SORBS2: variants seen among roughly 807,000 people sequenced by gnomAD.
SORBS2 encodes sorbin and SH3 domain-containing protein 2.
A neutral mutation model predicts 97.7 loss-of-function variants in SORBS2; 46 were observed. The ratio of observed to expected loss-of-function variants is 0.47; its 90% confidence interval spans 0.37 to 0.60. The LOEUF is 0.60. Among genes scored for constraint, SORBS2 ranks in the 20% least tolerant of loss-of-function variants. The pLI is 0.00. For synonymous variants in SORBS2, 476 were observed against 473.4 expected, an observed-to-expected ratio of 1.01 and a Z score of -0.07; for missense variants, 1,316 against 1,282.3, an observed-to-expected ratio of 1.03 and a Z score of -0.40.
chr4:185,628,109 A>G (rs537218032), intron 5 of SORBS2, among the ~76,000 whole-genome samples: 2 of 152,208 alleles, frequency 1.3e-5, no homozygotes, highest in African/African-American at 4.8e-5. Context: ...GGTTGCTTCC[A>G]ACTTCTAGCA....
At chr4:185,779,178 G>T (rs968437935) in intron 1 of SORBS2, among the ~76,000 whole-genome samples, 1 of 94,046 alleles carries the variant, frequency 1.1e-5, no homozygotes, top group Non-Finnish European at 2.1e-5. Context: ...TTTTAAAAGT[G>T]CATAATACTT....
intron 1 of SORBS2, among the ~76,000 whole-genome samples, chr4:185,863,944 A>T (rs2099225363): frequency 6.6e-6 from 1 of 152,240 alleles, no homozygotes; most frequent in Non-Finnish European, 1.5e-5. Context: ...TAAAAAGAAG[A>T]TAAAGGTCTC....
At chr4:185,694,191 G>A (rs1451889374) in intron 2 of SORBS2, among the ~76,000 whole-genome samples, 44 of 152,200 alleles carry the variant, frequency 2.9e-4, no homozygotes, top group Non-Finnish European at 1.6e-4. Context: ...TCAAACTAAA[G>A]CGAATCTAAT....
At chr4:185,693,461 T>C (rs1344521859) in intron 2 of SORBS2, among the ~76,000 whole-genome samples, 1 of 152,044 alleles carries the variant, frequency 6.6e-6, no homozygotes, top group African/African-American at 2.4e-5. Flanking sequence ...ATGTTAACCT[T>C]AAATGGACAA....
At chr4:185,615,906 T>C (rs566023691) in intron 9 of SORBS2, among the ~76,000 whole-genome samples, 2 of 152,232 alleles carry the variant, frequency 1.3e-5, no homozygotes, top group Non-Finnish European at 2.9e-5. Context: ...TTGATTTGGG[T>C]ATTTATAATT....
At chr4:185,834,145 GT>G (rs1161484454) in intron 1 of SORBS2, among the ~76,000 whole-genome samples, 2 of 152,214 alleles carry the variant, frequency 1.3e-5, no homozygotes, top group African/African-American at 4.8e-5. Flanking sequence ...CTGTAGAGAG[GT>G]TTAATTGGCT....
chr4:185,868,943 T>C (rs541201232), intron 1 of SORBS2, among the ~76,000 whole-genome samples: 11 of 152,316 alleles, frequency 7.2e-5, no homozygotes, highest in African/African-American at 2.4e-4. Context: ...GGGTTCAACC[T>C]GGAGGAGAAA....
chr4:185,671,769 G>A (rs1325482617), intron 4 of SORBS2, among the ~76,000 whole-genome samples: 2 of 152,192 alleles, frequency 1.3e-5, no homozygotes, highest in Non-Finnish European at 2.9e-5. Context: ...GGCAGATCAT[G>A]ACGTGGTATT....
chr4:185,609,822 T>C (rs6552896), intron 12 of SORBS2, among the ~76,000 whole-genome samples: 97,999 of 152,120 alleles, frequency 0.64, 32,502 homozygotes, highest in African/African-American at 0.8. Flanking sequence ...TTTTGGATGT[T>C]ATCATTTAGA....
At chr4:185,649,508 T>C in exon 3 of SORBS2, 1 of 1,601,682 alleles carries the variant, frequency 6.2e-7, no homozygotes, top group Non-Finnish European at 8.5e-7. Flanking sequence ...GCGGCGGGAC[T>C]GGAGGTGGAA....
At chr4:185,613,041 G>T (rs1403706914) in intron 11 of SORBS2, among the ~76,000 whole-genome samples, 1 of 152,172 alleles carries the variant, frequency 6.6e-6, no homozygotes, top group Non-Finnish European at 1.5e-5. Context: ...TGCCATGACC[G>T]AGCCAGTGCT....
intron 1 of SORBS2, among the ~76,000 whole-genome samples, chr4:185,841,563 G>A (rs189265856): frequency 6.6e-5 from 10 of 152,194 alleles, no homozygotes; most frequent in East Asian, 3.9e-4. Context: ...AGAAAGATGC[G>A]GAAGACAGAA....
chr4:185,609,837 C>A (rs1415101273), intron 12 of SORBS2, among the ~76,000 whole-genome samples: 2 of 152,186 alleles, frequency 1.3e-5, no homozygotes, highest in African/African-American at 4.8e-5. Flanking sequence ...TTTAGAAATA[C>A]ATTATATTTA....
At chr4:185,823,580 T>C (rs1055549068) in intron 1 of SORBS2, among the ~76,000 whole-genome samples, 2 of 149,322 alleles carry the variant, frequency 1.3e-5, no homozygotes, top group African/African-American at 4.9e-5. Context: ...ACTGACTTTA[T>C]GAAAAGTCAG....
chr4:185,708,525 C>G (rs960594099), intron 2 of SORBS2, among the ~76,000 whole-genome samples: 1 of 152,154 alleles, frequency 6.6e-6, no homozygotes, highest in African/African-American at 2.4e-5. Context: ...ATCACAGGAG[C>G]ATTCAAAAAT....
In SORBS2 at chr4:185,623,665, G is replaced by T. The variant is rs2153423583; in HGVS notation, c.1464C>A (p.Thr488=). The T allele has an allele frequency of 2.5e-6, 4 of 1,614,086 alleles. No individual in the cohort carries two copies. ...CGTGTGCTCGGGGCTGCTCATCGCT[G>T]GTGACTTCAATGTGAATGGGCACCA... is the stretch of plus-strand genomic sequence containing the variant. Residue 488 remains threonine (T), a synonymous_variant, in exon 7 of 15, where the codon ACC becomes ACA. Coordinates refer to ENST00000418609, the Ensembl canonical transcript of SORBS2. The surrounding 1 kb of genome is among the most constrained non-coding windows in gnomAD (Gnocchi z 6.4).
At chr4:185,806,496 C>T (rs1188114036) in intron 1 of SORBS2, among the ~76,000 whole-genome samples, 4 of 112,902 alleles carry the variant, frequency 3.5e-5, no homozygotes, top group East Asian at 3.0e-4. Flanking sequence ...CTCGCTCTGT[C>T]GCCCAGGCTG....
At chr4:185,731,004 G>A (rs923171313) in intron 2 of SORBS2, among the ~76,000 whole-genome samples, 4 of 152,128 alleles carry the variant, frequency 2.6e-5, no homozygotes, top group Non-Finnish European at 5.9e-5. Context: ...TGCTGTTCTC[G>A]GGGAACAAAT....
rs1186363551 is a variant in SORBS2 at position 185,774,377 on chromosome 4, A to G, written c.-198+850T>C. On this transcript the variant is annotated intron_variant, in intron 2 of 20. Coordinates refer to the SORBS2 transcript ENST00000284776. ...CAGTGAGGAAAACTAAAGCTCCAAT[A>G]AATTGTTTAAAGGAAATGCTATGAA... The G allele has an allele frequency of 2.6e-5, 4 of 152,202 alleles. No individual in the cohort carries two copies. In the East Asian group the frequency reaches 7.7e-4, roughly 29 times the overall value. The allele number at this position is 152,202 out of a possible 1,614,324, so 9.4% of individuals were successfully genotyped here. A position where few individuals can be genotyped will look rare whatever the true frequency, so the allele number is the denominator to read the frequency against.
Sources: gnomAD v4.1 joint callset for allele counts (sites outside exome capture counted in the v4.1 genomes callset) on GRCh38, gnomAD v4.1.1 for gene constraint, Gnocchi (gnomAD v3.1) non-coding constraint, MANE v1.5 for transcripts, NCBI Gene and HGNC (gene_info 2026-07-23, HGNC 2026-07-21) for gene names.